LITAF: variants seen among roughly 807,000 people sequenced by gnomAD.
LITAF encodes lipopolysaccharide induced TNF factor, also known as lipopolysaccharide-induced tumor necrosis factor-alpha factor.
A neutral mutation model predicts 14.5 loss-of-function variants in LITAF; 9 were observed. The observed-to-expected ratio is 0.62, with a 90% confidence interval of 0.37 to 1.08. The LOEUF (loss-of-function observed/expected upper bound fraction) is 1.08, where lower values mean the gene tolerates loss of function less well. Among genes scored for constraint, LITAF ranks in the 50% least tolerant of loss-of-function variants. The pLI, the probability that LITAF is intolerant of heterozygous loss-of-function variation, is 0.01. For synonymous variants in LITAF, 98 were observed against 88.2 expected (o/e 1.11, Z -0.62); for missense variants, 206 against 213.4 (o/e 0.97, Z 0.22).
intron 3 of LITAF, among the ~76,000 whole-genome samples, chr16:11,604,303 C>A (rs116017232): frequency 2.0e-4 from 31 of 152,314 alleles, no homozygotes; most frequent in African/African-American, 7.5e-4. Flanking sequence ...AAAGAAATTC[C>A]TGAGAGCTGA....
At chr16:11,597,837 G>GA (rs2064900099) in intron 1 of LITAF, among the ~76,000 whole-genome samples, 1 of 152,186 alleles carries the variant, frequency 6.6e-6, no homozygotes, top group African/African-American at 2.4e-5. Context: ...CTGAGGCCCA[G>GA]AAAGGGGTTG....
At chr16:11,593,354 C>CAAAAAA (rs57678584) in intron 1 of LITAF, among the ~76,000 whole-genome samples, 3 of 54,746 alleles carry the variant, frequency 5.5e-5, no homozygotes, top group Non-Finnish European at 6.7e-5. Flanking sequence ...AACTCTGTCT[C>CAAAAAA]AAAAAAAAAA....
chr16:11,561,894 A>G (rs1451144271), intron 1 of LITAF, among the ~76,000 whole-genome samples: 1 of 147,650 alleles, frequency 6.8e-6, no homozygotes, highest in African/African-American at 2.5e-5. Context: ...ACTCTCCACA[A>G]TGTCTTTTTT....
At chr16:11,625,759 G>C (rs568616916) in intron 3 of LITAF, among the ~76,000 whole-genome samples, 1 of 152,276 alleles carries the variant, frequency 6.6e-6, no homozygotes, top group Admixed American at 6.5e-5. Flanking sequence ...CAGTCAGTGA[G>C]TCCCTGCTGT....
chr16:11,583,716 G>T (rs2064771288), intron 1 of LITAF, among the ~76,000 whole-genome samples: 1 of 152,158 alleles, frequency 6.6e-6, no homozygotes, highest in Middle Eastern at 3.2e-3. Context: ...AAACTTACCT[G>T]AGGCACACTG....
At chr16:11,592,933 G>C (rs2064856556) in intron 1 of LITAF, among the ~76,000 whole-genome samples, 1 of 152,160 alleles carries the variant, frequency 6.6e-6, no homozygotes, top group South Asian at 2.1e-4. Context: ...CACTTTGGGA[G>C]GCCGAGGTGG....
At chr16:11,620,242 A>C (rs2065041869) in intron 3 of LITAF, among the ~76,000 whole-genome samples, 1 of 151,530 alleles carries the variant, frequency 6.6e-6, no homozygotes, top group Non-Finnish European at 1.5e-5. Context: ...GCCTGGTGGG[A>C]GGTGTTTGGA....
rs1302165455 is a variant in LITAF at position 11,634,271 on chromosome 16, G to A, written c.-20-634C>T. Among the ~76,000 whole-genome samples, 1 of 152,086 alleles carries A rather than the reference G, an allele frequency of 6.6e-6. No homozygotes were observed. The highest frequency in any genetic ancestry group is 2.4e-5 in the African/African-American group (1 of 41,388). On this transcript the variant is annotated intron_variant, in intron 2 of 3. Transcript: ENST00000574848. The surrounding 1 kb of genome is among the most constrained non-coding windows in gnomAD (Gnocchi z 4.1). ...CTGCTCTTCATCATTCCTGGACTTGGGCCAAACTAACTCTGGGGAACATTT... is the reference window on the plus strand; with the variant it reads ...CTGCTCTTCATCATTCCTGGACTTGAGCCAAACTAACTCTGGGGAACATTT...
intron 1 of LITAF, among the ~76,000 whole-genome samples, chr16:11,574,848 G>A (rs1335647796): frequency 6.7e-6 from 1 of 150,052 alleles, no homozygotes; most frequent in Non-Finnish European, 1.5e-5. Context: ...TGTGGCCCAG[G>A]CTGGAATGCA....
intron 3 of LITAF, among the ~76,000 whole-genome samples, chr16:11,621,727 G>C (rs1438780928): frequency 6.6e-6 from 1 of 151,956 alleles, no homozygotes; most frequent in Non-Finnish European, 1.5e-5. Flanking sequence ...CCGGCTCCCT[G>C]ACACCTTGTA....
At chr16:11,616,316 T>A (rs187259094) in intron 3 of LITAF, among the ~76,000 whole-genome samples, 257 of 151,780 alleles carry the variant, frequency 1.7e-3, no homozygotes, top group African/African-American at 5.2e-3. Flanking sequence ...TCTAAAAAAA[T>A]TTTTTATTAA....
chr16:11,626,924 C>G (rs118086896), intron 3 of LITAF, among the ~76,000 whole-genome samples: 2,248 of 151,970 alleles, frequency 0.015, 21 homozygotes, highest in Non-Finnish European at 0.022. Flanking sequence ...CTCACTGCAG[C>G]CTCTACCTCC....
chr16:11,608,830 C>T (rs2064967655), intron 3 of LITAF, among the ~76,000 whole-genome samples: 1 of 152,038 alleles, frequency 6.6e-6, no homozygotes, highest in South Asian at 2.1e-4. Flanking sequence ...GGGCATGGTG[C>T]CGCATGTCTC....
At chr16:11,573,142 C>T (rs577506582) in intron 1 of LITAF, among the ~76,000 whole-genome samples, 1 of 152,198 alleles carries the variant, frequency 6.6e-6, no homozygotes, top group South Asian at 2.1e-4. Context: ...GTTGCCCAGG[C>T]TGGTCCCAAA....
upstream of LITAF, among the ~76,000 whole-genome samples, chr16:11,589,113 T>C (rs1010599417): frequency 1.2e-4 from 19 of 152,290 alleles, no homozygotes; most frequent in Admixed American, 3.9e-4. Context: ...GTAACTCTTT[T>C]CTTTGATCCC....
chr16:11,576,557 A>ACAGG (rs2064639404), intron 1 of LITAF, among the ~76,000 whole-genome samples: 1 of 137,544 alleles, frequency 7.3e-6, no homozygotes, highest in South Asian at 2.4e-4. Flanking sequence ...AAAAAAAAAG[A>ACAGG]GAGAGAGAAA....
chr16:11,580,418 C>A (rs577849407), intron 1 of LITAF, among the ~76,000 whole-genome samples: 1 of 152,044 alleles, frequency 6.6e-6, no homozygotes, highest in Non-Finnish European at 1.5e-5. Flanking sequence ...CCACCACACC[C>A]GGCTAATTTT....
intron 1 of LITAF, among the ~76,000 whole-genome samples, chr16:11,565,863 C>T (rs923578881): frequency 7.9e-5 from 12 of 151,778 alleles, no homozygotes; most frequent in African/African-American, 2.9e-4. Context: ...CTCTGCTTGC[C>T]CCCGGGAGAA....
intron 1 of LITAF, among the ~76,000 whole-genome samples, chr16:11,583,439 G>A (rs2064768356): frequency 6.6e-6 from 1 of 152,104 alleles, no homozygotes; most frequent in Non-Finnish European, 1.5e-5. Context: ...ACAGTGCAAG[G>A]AGATCATTAA....
Sources: allele counts gnomAD v4.1 joint callset (sites outside exome capture counted in the v4.1 genomes callset), GRCh38; gene constraint gnomAD v4.1.1; non-coding constraint Gnocchi (gnomAD v3.1); transcripts MANE v1.5; gene names NCBI Gene and HGNC (gene_info 2026-07-23, HGNC 2026-07-21).